Variants in KCNH8 observed in about 807,000 individuals in gnomAD.
KCNH8 encodes the protein voltage-gated delayed rectifier potassium channel KCNH8.
In KCNH8, 70 loss-of-function variants were observed where a neutral mutation model predicts 103.6. The observed-to-expected ratio is 0.68, with a 90% CI of 0.56 to 0.82. The LOEUF (loss-of-function observed/expected upper bound fraction) is 0.82, where lower values mean the gene tolerates loss of function less well. KCNH8 is among the 40% of genes least tolerant of loss of function. The pLI is 0.00. For missense variants in KCNH8, 1,217 were observed against 1,329.9 expected, an observed-to-expected ratio of 0.92 and a Z score of 1.32; for synonymous variants, 498 against 489.4, an observed-to-expected ratio of 1.02 and a Z score of -0.23.
intron 8 of KCNH8, among the ~76,000 whole-genome samples, chr3:19,447,803 T>C (rs1489922882): frequency 6.6e-6 from 1 of 152,010 alleles, no homozygotes; most frequent in Non-Finnish European, 1.5e-5. Flanking sequence ...ATTTAGAATC[T>C]ACAAAGAACA....
At chr3:19,344,563 T>G (rs2065704400) in intron 4 of KCNH8, among the ~76,000 whole-genome samples, 1 of 152,084 alleles carries the variant, frequency 6.6e-6, no homozygotes, top group Non-Finnish European at 1.5e-5. Context: ...GGTAATATCT[T>G]ATTCCTGAAG....
Position 19,395,148 on chromosome 3 carries a change from T to C in KCNH8, c.1014T>C (p.Leu338=), listed in dbSNP as rs1353344615. The C allele has an allele frequency of 6.2e-7, 1 of 1,611,466 alleles. No homozygotes were observed. Among genetic ancestry groups the C allele is most frequent in the African/African-American group, 1.3e-5 (1 of 74,720 alleles). Residue 338 remains leucine (L), a synonymous_variant, in exon 7 of 16, where the codon CTT becomes CTC. Coordinates refer to ENST00000328405, the MANE Select transcript of KCNH8 (RefSeq NM_144633.3). ...TAAAGACAGTGCGCCTCTTGCGTCT[T>C]TTGCGTCTGCTGCAGAAGTTAGACC... ...HLLKTVRLLR[L]LRLLQKLDRY...
intron 2 of KCNH8, among the ~76,000 whole-genome samples, chr3:19,257,003 G>A (rs981609237): frequency 2.0e-5 from 3 of 151,992 alleles, no homozygotes; most frequent in Non-Finnish European, 4.4e-5. Flanking sequence ...CTGACGCCTG[G>A]GGTCTCAAAC....
chr3:19,372,735 A>G (rs1416674573), intron 5 of KCNH8, among the ~76,000 whole-genome samples: 7 of 152,076 alleles, frequency 4.6e-5, no homozygotes, highest in Non-Finnish European at 8.8e-5. Flanking sequence ...TCAGTATGAT[A>G]TTGGCTGTGG....
chr3:19,435,317 T>C (rs944767437), intron 7 of KCNH8, among the ~76,000 whole-genome samples: 3 of 152,208 alleles, frequency 2.0e-5, no homozygotes, highest in African/African-American at 7.2e-5. Context: ...TTAATGTCCC[T>C]GAGCCTTATT....
At chr3:19,318,032 A>G (rs2065297872) in intron 3 of KCNH8, among the ~76,000 whole-genome samples, 1 of 152,022 alleles carries the variant, frequency 6.6e-6, no homozygotes. Context: ...GAGGAAGTCA[A>G]ACTATCTCTG....
At chr3:19,375,204 C>A (rs914751983) in intron 5 of KCNH8, among the ~76,000 whole-genome samples, 1 of 152,026 alleles carries the variant, frequency 6.6e-6, no homozygotes, top group African/African-American at 2.4e-5. Context: ...AGGGTGTTTT[C>A]CAGGTTGGTT....
intron 7 of KCNH8, among the ~76,000 whole-genome samples, chr3:19,423,857 T>A (rs137967126): frequency 1.1e-4 from 16 of 152,270 alleles, no homozygotes; most frequent in Non-Finnish European, 1.9e-4. Context: ...GGAATCTCCA[T>A]ACTGTTTTCC....
chr3:19,489,004 C>T (rs755159612), intron 11 of KCNH8, among the ~76,000 whole-genome samples: 2 of 152,160 alleles, frequency 1.3e-5, no homozygotes, highest in Non-Finnish European at 2.9e-5. Context: ...AAGGTTGATA[C>T]AAAGGCACGC....
Position 19,183,259 on chromosome 3 carries a change from A to G in KCNH8, c.76+34464A>G, listed in dbSNP as rs572707800. 3.5e-4 allele frequency among the ~76,000 whole-genome samples: 53 copies of G among 152,352 alleles called. No individual in the cohort carries two copies. In the Middle Eastern group the frequency reaches 0.017, roughly 49 times the overall value. On this transcript the variant is annotated intron_variant, in intron 1 of 15. Coordinates refer to ENST00000328405, the MANE Select transcript of KCNH8 (RefSeq NM_144633.3). Reference sequence around the variant, plus strand: ...AGTATTTTTATTTGTAGACGATATCATTGTCTATGTAGAAAGCCCTGGAGA... The same window carrying G: ...AGTATTTTTATTTGTAGACGATATCGTTGTCTATGTAGAAAGCCCTGGAGA...
chr3:19,232,584 G>A (rs2064008886), intron 1 of KCNH8, among the ~76,000 whole-genome samples: 1 of 152,162 alleles, frequency 6.6e-6, no homozygotes, highest in Non-Finnish European at 1.5e-5. Context: ...GGACAAATCA[G>A]TTAGGAAAAA....
intron 3 of KCNH8, among the ~76,000 whole-genome samples, chr3:19,295,097 T>TAAG (rs2064978702): frequency 6.6e-6 from 1 of 152,134 alleles, no homozygotes; most frequent in Admixed American, 6.6e-5. Flanking sequence ...AATATGGTAT[T>TAAG]AAGAAGATTA....
At chr3:19,357,595 T>G (rs1416554727) in intron 5 of KCNH8, among the ~76,000 whole-genome samples, 1 of 151,952 alleles carries the variant, frequency 6.6e-6, no homozygotes, top group Non-Finnish European at 1.5e-5. Context: ...TCTTGTCATT[T>G]TACTGTGAGA....
chr3:19,179,668 A>G (rs1384660926), intron 1 of KCNH8, among the ~76,000 whole-genome samples: 3 of 152,168 alleles, frequency 2.0e-5, no homozygotes, highest in African/African-American at 7.2e-5. Flanking sequence ...CCAAAGAAAT[A>G]CAATAACAGA....
intron 1 of KCNH8, among the ~76,000 whole-genome samples, chr3:19,190,551 G>A (rs192530657): frequency 6.6e-5 from 10 of 151,990 alleles, no homozygotes; most frequent in African/African-American, 1.7e-4. Flanking sequence ...CTGCTTTGAC[G>A]GAATATTTTT....
chr3:19,456,892 G>A lies in KCNH8; in HGVS notation c.1950G>A (p.Val650=). The change falls in exon 11 of 16, where the codon GTG becomes GTA. Residue 650 remains valine, a synonymous_variant. Transcript: ENST00000328405. The part of the protein sequence containing the change: ...QCIILKGLFE[V]LDLYPEYAHK... ...TCATCCTCAAAGGACTCTTTGAAGT[G>A]CTAGACCTTTACCCAGAATATGCTC... 6.2e-7 allele frequency: 1 copy of A among 1,612,240 alleles called. No homozygotes were observed.
At chr3:19,231,075 G>T (rs1320710084) in intron 1 of KCNH8, among the ~76,000 whole-genome samples, 1 of 151,982 alleles carries the variant, frequency 6.6e-6, no homozygotes, top group African/African-American at 2.4e-5. Context: ...TATATCCAAG[G>T]TGTGGGCTAT....
At chr3:19,380,359 C>G (rs540446964) in intron 5 of KCNH8, among the ~76,000 whole-genome samples, 1 of 152,268 alleles carries the variant, frequency 6.6e-6, no homozygotes, top group South Asian at 2.1e-4. Context: ...ACCCATGAAT[C>G]TTACTTCCTG....
chr3:19,513,222 A>T lies in KCNH8; in HGVS notation c.2332A>T (p.Lys778Ter). The stretch of plus-strand genomic sequence containing the variant: ...CTCCAGGTCAAATTCCCCCAAAACC[A>T]AGCAGGAAATTGACCCCCCCAACCA... Reference protein sequence around the residue: ...RVSRSNSPKTKQEIDPPNHNK... With the variant: ...RVSRSNSPKT The change falls in exon 13 of 16, where the codon AAG becomes TAG. Residue 778 changes from lysine (K) to a stop codon, truncating the protein, a stop_gained. Transcript: ENST00000328405. LOFTEE classifies it high-confidence loss of function. The T allele has an allele frequency of 6.2e-7, 1 of 1,613,888 alleles. No individual in the cohort carries two copies. The highest frequency in any genetic ancestry group is 8.5e-7 in the Non-Finnish European group (1 of 1,179,944).
Sources: gnomAD v4.1 joint callset for allele counts (sites outside exome capture counted in the v4.1 genomes callset) on GRCh38, gnomAD v4.1.1 for gene constraint, MANE v1.5 for transcripts, NCBI Gene and HGNC (gene_info 2026-07-23, HGNC 2026-07-21) for gene names.